HOMER1: variants seen among roughly 807,000 people sequenced by gnomAD.
The protein encoded by HOMER1 is homer protein homolog 1.
In HOMER1, 3 loss-of-function variants were observed where a neutral mutation model predicts 48.9. That is an observed-to-expected ratio of 0.06 (90% CI 0.03 to 0.16). HOMER1 has a LOEUF of 0.16. Ranked by LOEUF, HOMER1 falls within the 10% of genes least tolerant of loss-of-function variation. The pLI is 1.00. For missense variants in HOMER1, 247 were observed against 411.4 expected (o/e 0.60, Z 3.46); for synonymous variants, 134 against 146.4 (o/e 0.92, Z 0.61).
chr5:79,508,702 C>T (rs534502882), intron 1 of HOMER1, among the ~76,000 whole-genome samples: 2 of 152,230 alleles, frequency 1.3e-5, no homozygotes, highest in Admixed American at 6.5e-5. Context: ...ACCTCCTCTA[C>T]AAAGCCTTTT....
chr5:79,441,277 C>T (rs558126342), intron 4 of HOMER1, among the ~76,000 whole-genome samples: 2 of 152,242 alleles, frequency 1.3e-5, no homozygotes, highest in East Asian at 1.9e-4. Context: ...TGCAAAAGTA[C>T]ATTAGGATCA....
intron 4 of HOMER1, among the ~76,000 whole-genome samples, chr5:79,441,665 C>A (rs748475729): frequency 6.6e-6 from 1 of 151,470 alleles, no homozygotes; most frequent in Non-Finnish European, 1.5e-5. Context: ...TATTCTGAAC[C>A]GATCGAGAAC....
chr5:79,502,117 T>TCC (rs1752610735), intron 1 of HOMER1, among the ~76,000 whole-genome samples: 1 of 149,684 alleles, frequency 6.7e-6, no homozygotes, highest in African/African-American at 2.5e-5. Context: ...CCTCCTGGGT[T>TCC]CAAGCAATTC....
chr5:79,419,073 G>C (rs572557575), intron 5 of HOMER1, among the ~76,000 whole-genome samples: 2 of 152,078 alleles, frequency 1.3e-5, no homozygotes, highest in Admixed American at 6.5e-5. Context: ...ATGCAGAATA[G>C]TTACAAATAT....
intron 5 of HOMER1, among the ~76,000 whole-genome samples, chr5:79,406,927 G>C (rs1329384129): frequency 9.1e-6 from 1 of 110,452 alleles, no homozygotes; most frequent in African/African-American, 6.1e-5. Flanking sequence ...ACTGAGGCTG[G>C]ACAAAAACAA....
intron 8 of HOMER1, among the ~76,000 whole-genome samples, chr5:79,377,537 T>C (rs914664543): frequency 2.6e-5 from 4 of 151,436 alleles, no homozygotes; most frequent in African/African-American, 9.8e-5. Context: ...ATAAACTATA[T>C]GGGACAACGA....
At chr5:79,382,268 C>T (rs1749001741) in intron 8 of HOMER1, among the ~76,000 whole-genome samples, 1 of 151,938 alleles carries the variant, frequency 6.6e-6, no homozygotes, top group Non-Finnish European at 1.5e-5. Flanking sequence ...ATGAAAACAC[C>T]CCAAATCTAG....
intron 1 of HOMER1, among the ~76,000 whole-genome samples, chr5:79,483,792 C>T (rs1394454483): frequency 2.0e-5 from 3 of 148,412 alleles, no homozygotes; most frequent in East Asian, 2.0e-4. Context: ...TGGTGGCTCA[C>T]GCCGGTAATC....
At chr5:79,422,011 G>C (rs915658792) in intron 5 of HOMER1, among the ~76,000 whole-genome samples, 3 of 152,160 alleles carry the variant, frequency 2.0e-5, no homozygotes, top group Admixed American at 2.0e-4. Flanking sequence ...TGAATCATTT[G>C]AGGTCAGGAG....
intron 8 of HOMER1, among the ~76,000 whole-genome samples, chr5:79,391,138 T>TTG (rs1428648117): frequency 2.8e-4 from 30 of 108,760 alleles, no homozygotes; most frequent in African/African-American, 1.3e-3. Context: ...TGGGTTTTTT[T>TTG]TTTGTTTTTT....
intron 3 of HOMER1, among the ~76,000 whole-genome samples, chr5:79,449,953 T>C (rs1750987934): frequency 6.6e-6 from 1 of 152,168 alleles, no homozygotes; most frequent in Non-Finnish European, 1.5e-5. Context: ...TCAATATATA[T>C]TCATAAAAGT....
intron 8 of HOMER1, among the ~76,000 whole-genome samples, chr5:79,395,681 C>T (rs1272537964): frequency 6.6e-6 from 1 of 152,116 alleles, no homozygotes; most frequent in Non-Finnish European, 1.5e-5. Flanking sequence ...AAGCCCATGT[C>T]TTTGACTACT....
At chr5:79,422,558 TC>T (rs1243092431) in intron 5 of HOMER1, among the ~76,000 whole-genome samples, 2 of 151,800 alleles carry the variant, frequency 1.3e-5, no homozygotes, top group Non-Finnish European at 2.9e-5. Flanking sequence ...TTTGGATTTT[TC>T]TTCCTGAAAA....
intron 5 of HOMER1, among the ~76,000 whole-genome samples, chr5:79,410,505 AAAG>A (rs1476378009): frequency 2.0e-5 from 3 of 151,488 alleles, no homozygotes; most frequent in Non-Finnish European, 2.9e-5. Flanking sequence ...AAAAAAAAAA[AAAG>A]AAAAAAGAAA....
chr5:79,430,810 G>A (rs576921636), intron 5 of HOMER1, among the ~76,000 whole-genome samples: 2 of 150,632 alleles, frequency 1.3e-5, no homozygotes, highest in African/African-American at 2.4e-5. Flanking sequence ...GGTGGCGCAC[G>A]CCTGTAGTCC....
chr5:79,391,095 A>G (rs180767906), intron 8 of HOMER1, among the ~76,000 whole-genome samples: 4 of 152,100 alleles, frequency 2.6e-5, no homozygotes, highest in Non-Finnish European at 4.4e-5. Flanking sequence ...AGGTAAATTC[A>G]TAAGTGGCAC....
At chr5:79,446,804 ATTTTTTTTTTTT>A (rs35036295) in intron 4 of HOMER1, among the ~76,000 whole-genome samples, 3 of 101,732 alleles carry the variant, frequency 2.9e-5, no homozygotes, top group Non-Finnish European at 5.6e-5. Context: ...CACTTGGCTA[ATTTTTTTTTTTT>A]TTTTTTTTTT....
chr5:79,499,119 C>A (rs1752504471), intron 1 of HOMER1, among the ~76,000 whole-genome samples: 1 of 152,074 alleles, frequency 6.6e-6, no homozygotes, highest in Non-Finnish European at 1.5e-5. Flanking sequence ...CAGGCATAAG[C>A]CACCGTCCCC....
At chr5:79,381,673 T>C (rs1748980869) in intron 8 of HOMER1, among the ~76,000 whole-genome samples, 1 of 152,062 alleles carries the variant, frequency 6.6e-6, no homozygotes, top group Non-Finnish European at 1.5e-5. Context: ...TTGCTTGAGG[T>C]TAGGAGTTTG....
Sources: allele counts gnomAD v4.1 joint callset (sites outside exome capture counted in the v4.1 genomes callset), GRCh38; gene constraint gnomAD v4.1.1; transcripts MANE v1.5; gene names NCBI Gene and HGNC (gene_info 2026-07-23, HGNC 2026-07-21).